TCF3: variants seen among roughly 807,000 people sequenced by gnomAD.
TCF3 encodes the protein transcription factor 3.
A neutral mutation model predicts 72.3 loss-of-function variants in TCF3; 54 were observed. That is an observed-to-expected ratio of 0.75 (90% CI 0.60 to 0.94). The LOEUF is 0.94. Among genes scored for constraint, TCF3 ranks in the 40% least tolerant of loss-of-function variants. The probability of loss-of-function intolerance (pLI) is 0.00; values close to 1 mark genes in which losing one functional copy is unlikely to be tolerated. For synonymous variants in TCF3, 525 were observed against 412.6 expected, an observed-to-expected ratio of 1.27 and a Z score of -3.30; for missense variants, 1,078 against 934.4, an observed-to-expected ratio of 1.15 and a Z score of -2.00.
At chr19:1,633,192 C>T (rs2063931324) in intron 3 of TCF3, among the ~76,000 whole-genome samples, 1 of 152,226 alleles carries the variant, frequency 6.6e-6, no homozygotes, top group African/African-American at 2.4e-5. Flanking sequence ...TTGGATCCTT[C>T]CCCCTTCCAT....
rs374067897 is a variant in TCF3 at position 1,626,759 on chromosome 19, G to A, written c.366+600C>T. 4.6e-5 allele frequency among the ~76,000 whole-genome samples: 7 copies of A among 152,200 alleles called. No homozygotes were observed. The East Asian group carries it at 1.2e-3, about 25-fold the overall frequency. ...GCCCCTGGCGCAGAGCCTGGCACCCGGCTGGCCCCCTCCATCACTATGGCT... is the reference window on the plus strand; with the variant it reads ...GCCCCTGGCGCAGAGCCTGGCACCCAGCTGGCCCCCTCCATCACTATGGCT... On this transcript the variant is annotated intron_variant, in intron 6 of 18. Transcript: ENST00000262965.
rs148835727 is a variant in TCF3, at chr19:1,621,983, G to A, written c.823-13C>T. ...GCAGCTGGTAGCCCTGGGGGGTCAG[G>A]CAGGAGGAGGGTGGGTTAGATGGGC... On this transcript the variant is annotated splice_polypyrimidine_tract_variant and intron_variant, in intron 10 of 18. Coordinates refer to ENST00000262965, the MANE Select transcript of TCF3 (RefSeq NM_003200.5). 2.4e-4 allele frequency: 392 copies of A among 1,602,980 alleles called. 3 individuals carry two copies. In the East Asian group the frequency reaches 8.3e-3, roughly 34 times the overall value.
chr19:1,650,615 GC>G lies in TCF3; in HGVS notation c.-39-329del, dbSNP rs1173994498. 6 of 271,906 alleles carry G rather than the reference GC, an allele frequency of 2.2e-5. No individual in the cohort carries two copies. In the Admixed American group the frequency reaches 3.2e-4, roughly 14 times the overall value. The allele number at this position is 271,906 out of a possible 1,614,324, so 16.8% of individuals were successfully genotyped here. A position where few individuals can be genotyped will look rare whatever the true frequency, so the allele number is the denominator to read the frequency against. ...CCAAGTTTAAACTGCACGCAGGGCA[GC>G]CAGAACCTCTCCTTTCTCCAACTCT... On this transcript the variant is annotated intron_variant, in intron 1 of 18. Coordinates refer to ENST00000262965, the MANE Select transcript of TCF3 (RefSeq NM_003200.5).
intron 3 of TCF3, among the ~76,000 whole-genome samples, chr19:1,642,150 AC>A (rs1402610395): frequency 4.0e-5 from 6 of 150,560 alleles, no homozygotes; most frequent in Non-Finnish European, 8.9e-5. Context: ...ACACACACAC[AC>A]ACACACACAC....
Position 1,622,426 on chromosome 19 carries a change from G to T in TCF3, c.550-11C>A. 7.4e-6 allele frequency: 10 copies of T among 1,350,740 alleles called. No individual in the cohort carries two copies. Among genetic ancestry groups the T allele is most frequent in the Admixed American group, 2.7e-5 (1 of 36,668 alleles). 83.7% of individuals were successfully genotyped at this position (1,350,740 alleles called of 1,614,324 possible). On this transcript the variant is annotated splice_polypyrimidine_tract_variant and intron_variant, in intron 8 of 18. Coordinates refer to ENST00000262965, the MANE Select transcript of TCF3 (RefSeq NM_003200.5). Reference sequence around the variant, plus strand: ...GCTGGGTGGGTACACCTGCGGGCGGGTGGGCGGTGGGGGGTGCAGTCAGGA... The same window carrying T: ...GCTGGGTGGGTACACCTGCGGGCGGTTGGGCGGTGGGGGGTGCAGTCAGGA...
At chr19:1,629,782 G>C (rs1421779839) in intron 5 of TCF3, among the ~76,000 whole-genome samples, 1 of 152,144 alleles carries the variant, frequency 6.6e-6, no homozygotes, top group Non-Finnish European at 1.5e-5. Context: ...TCTCAAAGCA[G>C]GAAAAAAATT....
Position 1,637,635 on chromosome 19 carries a change from C to T in TCF3, c.146-5230G>A, listed in dbSNP as rs146286562. Among the ~76,000 whole-genome samples the T allele has an allele frequency of 4.6e-3, 699 of 152,318 alleles. 3 individuals carry two copies. The highest frequency in any genetic ancestry group is 0.016 in the African/African-American group (658 of 41,572). Reference sequence around the variant, plus strand: ...GCTCAGAAACCAACCCGGGGCCGGGCACGGTGGCTCACGCCTGTAATCCCA... The same window carrying T: ...GCTCAGAAACCAACCCGGGGCCGGGTACGGTGGCTCACGCCTGTAATCCCA... On this transcript the variant is annotated intron_variant, in intron 3 of 18. Coordinates refer to ENST00000262965, the MANE Select transcript of TCF3 (RefSeq NM_003200.5).
chr19:1,646,300 A>T (rs544002793), intron 3 of TCF3, 55 bp downstream of exon 3: 1 of 1,527,206 alleles, frequency 6.5e-7, no homozygotes. Context: ...CACTGTCTTC[A>T]ACAGACCCTT....
intron 16 of TCF3, among the ~76,000 whole-genome samples, chr19:1,617,011 C>T (rs1201548492): frequency 1.3e-5 from 2 of 152,160 alleles, no homozygotes; most frequent in African/African-American, 4.8e-5. Context: ...GACAAGGAAA[C>T]CACATGGCTA....
intron 3 of TCF3, among the ~76,000 whole-genome samples, chr19:1,641,097 G>A (rs1036892447): frequency 3.3e-5 from 5 of 151,264 alleles, no homozygotes; most frequent in Non-Finnish European, 7.4e-5. Context: ...CGGAGGCGGA[G>A]GTTGCAGTGA....
chr19:1,620,992 C>G lies in TCF3; in HGVS notation c.1069G>C (p.Val357Leu). 1 of 1,515,078 alleles carries G rather than the reference C, an allele frequency of 6.6e-7. No individual in the cohort carries two copies. 93.9% of individuals were successfully genotyped at this position (1,515,078 alleles called of 1,614,324 possible). A position where few individuals can be genotyped will look rare whatever the true frequency, so the allele number is the denominator to read the frequency against. Residue 357 changes from valine to leucine, a missense_variant, in exon 13 of 19, where the codon GTG becomes CTG. Val to Leu is a conservative substitution (Grantham distance 32). Coordinates refer to ENST00000262965, the MANE Select transcript of TCF3 (RefSeq NM_003200.5). ...NNFSSSPSTP[V>L]GSPQGLAGTS... ...CCTGCCAGGCCCTGGGGGGAGCCCA[C>G]GGGGGTAGAAGGGCTGGACGAGAAG...
chr19:1,630,414 A>G (rs960141048), intron 5 of TCF3, among the ~76,000 whole-genome samples: 3 of 152,224 alleles, frequency 2.0e-5, no homozygotes, highest in African/African-American at 7.2e-5. Flanking sequence ...GAGGCCGGGC[A>G]AAGCGAGACA....
chr19:1,642,509 C>T (rs1329498339), intron 3 of TCF3, among the ~76,000 whole-genome samples: 11 of 152,184 alleles, frequency 7.2e-5, no homozygotes, highest in Non-Finnish European at 1.5e-4. Context: ...AAAAGTGGAT[C>T]AACTTCAAGG....
chr19:1,651,558 T>G (rs925749125), intron 1 of TCF3, among the ~76,000 whole-genome samples: 3 of 152,184 alleles, frequency 2.0e-5, no homozygotes, highest in African/African-American at 7.2e-5. Context: ...CTACGGGAGC[T>G]GGAAGACTTC....
chr19:1,624,082 C>T (rs2062589141), intron 7 of TCF3, 82 bp from the exon 8 acceptor site: 1 of 1,412,910 alleles, frequency 7.1e-7, no homozygotes, highest in African/African-American at 1.4e-5. Context: ...GAGACCCTCA[C>T]AATTCCCGTT....
At chr19:1,633,815 T>C (rs2064033052) in intron 3 of TCF3, among the ~76,000 whole-genome samples, 1 of 152,174 alleles carries the variant, frequency 6.6e-6, no homozygotes, top group African/African-American at 2.4e-5. Context: ...ACGTGGGCCC[T>C]GGTGAACAGG....
At chr19:1,647,348 G>C (rs997518566) in intron 2 of TCF3, among the ~76,000 whole-genome samples, 2 of 152,244 alleles carry the variant, frequency 1.3e-5, no homozygotes, top group African/African-American at 4.8e-5. Context: ...AAAGTGGCTG[G>C]AATCAGAGCC....
intron 3 of TCF3, among the ~76,000 whole-genome samples, chr19:1,638,072 T>A (rs78139449): frequency 0.01 from 1,527 of 152,284 alleles, 12 homozygotes; most frequent in Non-Finnish European, 0.016. Flanking sequence ...GGGGGTTCTA[T>A]GGAATGAAGT....
At chr19:1,620,244 G>T (rs1275136878) in intron 13 of TCF3, among the ~76,000 whole-genome samples, 12 of 152,174 alleles carry the variant, frequency 7.9e-5, no homozygotes, top group Admixed American at 7.9e-4. Context: ...CCGAGGTGAA[G>T]TGAGGGTTCC....
Sources: allele counts gnomAD v4.1 joint callset (sites outside exome capture counted in the v4.1 genomes callset), GRCh38; gene constraint gnomAD v4.1.1; transcripts MANE v1.5; gene names NCBI Gene and HGNC (gene_info 2026-07-23, HGNC 2026-07-21).